Variants in MAPRE2 observed in about 807,000 individuals in gnomAD.
The protein encoded by MAPRE2 is microtubule associated protein RP/EB family member 2.
Under a neutral mutation model 43.2 loss-of-function variants are expected in MAPRE2, and 13 were observed. That is an observed-to-expected ratio of 0.30 (90% CI 0.20 to 0.48). MAPRE2 has a LOEUF of 0.48. Among genes scored for constraint, MAPRE2 ranks in the 20% least tolerant of loss-of-function variants. MAPRE2 has a pLI of 0.99. For synonymous variants in MAPRE2, 135 were observed against 148.8 expected (o/e 0.91, Z 0.68); for missense variants, 161 against 400.2 (o/e 0.40, Z 5.10).
At chr18:35,124,163 G>A (rs1909807772) in intron 4 of MAPRE2, among the ~76,000 whole-genome samples, 1 of 152,146 alleles carries the variant, frequency 6.6e-6, no homozygotes, top group Admixed American at 6.5e-5. Context: ...GTTTCTCAGG[G>A]CTAGGGAGGC....
intron 2 of MAPRE2, among the ~76,000 whole-genome samples, chr18:35,025,959 T>A (rs934316060): frequency 2.0e-5 from 3 of 152,062 alleles, no homozygotes; most frequent in African/African-American, 4.8e-5. Context: ...TTTCTAAAGG[T>A]AGTTAGGTTT....
intron 2 of MAPRE2, among the ~76,000 whole-genome samples, chr18:35,008,163 T>C (rs1433861708): frequency 6.6e-6 from 1 of 152,186 alleles, no homozygotes; most frequent in African/African-American, 2.4e-5. Flanking sequence ...AACATGCTTG[T>C]ACTTTATACC....
At chr18:35,138,598 A>G (rs538068278) in intron 6 of MAPRE2, among the ~76,000 whole-genome samples, 3 of 152,180 alleles carry the variant, frequency 2.0e-5, no homozygotes, top group Middle Eastern at 3.2e-3. Flanking sequence ...TCACATTTCT[A>G]TTTACCATGT....
intron 2 of MAPRE2, among the ~76,000 whole-genome samples, chr18:35,009,208 A>C (rs2097033237): frequency 6.6e-6 from 1 of 152,124 alleles, no homozygotes; most frequent in Non-Finnish European, 1.5e-5. Context: ...GGGGAGGTAG[A>C]GATGACATCT....
intron 1 of MAPRE2, among the ~76,000 whole-genome samples, chr18:35,048,691 C>T (rs1001917575): frequency 4.7e-5 from 7 of 148,304 alleles, no homozygotes; most frequent in Non-Finnish European, 7.4e-5. Context: ...GTACACTATA[C>T]TATATATACT....
chr18:35,068,439 C>T (rs1906942741), intron 1 of MAPRE2, among the ~76,000 whole-genome samples: 1 of 152,112 alleles, frequency 6.6e-6, no homozygotes, highest in African/African-American at 2.4e-5. Context: ...TGAATAAGCT[C>T]TTGCAAGCTT....
chr18:35,059,847 C>G (rs995968787), intron 1 of MAPRE2, among the ~76,000 whole-genome samples: 11 of 152,160 alleles, frequency 7.2e-5, no homozygotes, highest in African/African-American at 2.7e-4. Flanking sequence ...AGGCTTTGCT[C>G]TGTCATTTGT....
In MAPRE2 at chr18:35,126,947, G is replaced by T; in HGVS notation, c.611-1G>T. On this transcript the variant is annotated splice_acceptor_variant, in intron 4 of 6. Coordinates refer to ENST00000300249, the MANE Select transcript of MAPRE2 (RefSeq NM_014268.4). LOFTEE classifies it high-confidence loss of function. ...TTATCATTTATTCTGATTGCTTTCA[G>T]GTGCAGCTAAATCAAGTCCAGCAGC... The T allele has an allele frequency of 6.2e-7, 1 of 1,613,336 alleles. No homozygotes were observed. Among genetic ancestry groups the T allele is most frequent in the Non-Finnish European group, 8.5e-7 (1 of 1,179,630 alleles).
At chr18:35,081,208 T>G (rs1876014484) in intron 2 of MAPRE2, among the ~76,000 whole-genome samples, 1 of 152,214 alleles carries the variant, frequency 6.6e-6, no homozygotes, top group African/African-American at 2.4e-5. Flanking sequence ...CTGCTTCTTT[T>G]TTTTTCCAAA....
chr18:35,077,252 C>G (rs540575662), intron 2 of MAPRE2, among the ~76,000 whole-genome samples: 1 of 93,024 alleles, frequency 1.1e-5, no homozygotes, highest in Non-Finnish European at 1.8e-5. Context: ...CGCGCGCGCA[C>G]ACACACACAC....
intron 2 of MAPRE2, among the ~76,000 whole-genome samples, chr18:35,088,465 A>C (rs1011548239): frequency 1.5e-4 from 23 of 152,222 alleles, no homozygotes; most frequent in Non-Finnish European, 3.2e-4. Flanking sequence ...CAGGGAAGGA[A>C]TTTGGATTTT....
rs184087208 is a variant in MAPRE2 at position 35,090,851 on chromosome 18, A to G, written c.251-6595A>G. Among the ~76,000 whole-genome samples the G allele has an allele frequency of 3.3e-5, 5 of 152,328 alleles. No homozygotes were observed. The East Asian group carries it at 9.6e-4, about 29-fold the overall frequency. ...TCAATTTTAAAAAACTGTTAGAACTAATAAACAAATTTTGTTGCAGGATAC... is the reference window on the plus strand; with the variant it reads ...TCAATTTTAAAAAACTGTTAGAACTGATAAACAAATTTTGTTGCAGGATAC... On this transcript the variant is annotated intron_variant, in intron 2 of 6. Transcript: ENST00000300249.
intron 3 of MAPRE2, among the ~76,000 whole-genome samples, chr18:35,099,426 T>A (rs1319312749): frequency 6.6e-6 from 1 of 152,100 alleles, no homozygotes; most frequent in Non-Finnish European, 1.5e-5. Flanking sequence ...ACCAGCCTGG[T>A]CAACATTGTG....
rs532934266 is a variant in MAPRE2, at chr18:35,074,783, G to A, written c.250+4461G>A. Among the ~76,000 whole-genome samples the A allele has an allele frequency of 9.2e-5, 14 of 151,774 alleles. No homozygotes were observed. In the East Asian group the frequency reaches 1.2e-3, roughly 13 times the overall value. On this transcript the variant is annotated intron_variant, in intron 2 of 6. Transcript: ENST00000300249. ...CCTCCTCCCCACCCCTCCACTAGCC[G>A]AGCAGACACCTGACTTGGGGCAAAT...
intron 1 of MAPRE2, among the ~76,000 whole-genome samples, chr18:34,985,592 T>C (rs111366610): frequency 0.61 from 49,016 of 79,902 alleles, 15,977 homozygotes; most frequent in East Asian, 0.75. Flanking sequence ...TAAACTATAA[T>C]ATATAACATA....
At chr18:35,022,976 G>A (rs2097042880) in intron 2 of MAPRE2, among the ~76,000 whole-genome samples, 1 of 152,102 alleles carries the variant, frequency 6.6e-6, no homozygotes, top group African/African-American at 2.4e-5. Context: ...ATGTGTAATA[G>A]AAGCACTATA....
At chr18:35,079,721 A>G (rs1427796524) in intron 2 of MAPRE2, among the ~76,000 whole-genome samples, 2 of 152,254 alleles carry the variant, frequency 1.3e-5, no homozygotes, top group African/African-American at 4.8e-5. Context: ...TGTAAGTCAA[A>G]TCCCTGTTAG....
At chr18:35,021,944 T>C (rs2097042180) in intron 2 of MAPRE2, among the ~76,000 whole-genome samples, 1 of 152,020 alleles carries the variant, frequency 6.6e-6, no homozygotes, top group Non-Finnish European at 1.5e-5. Context: ...AGCTTGAGGG[T>C]CAGAGAGAAG....
intron 1 of MAPRE2, among the ~76,000 whole-genome samples, chr18:35,065,624 A>G (rs1161046978): frequency 2.0e-5 from 3 of 151,246 alleles, no homozygotes; most frequent in Non-Finnish European, 4.4e-5. Flanking sequence ...CCCAATCTCA[A>G]CTCACTGCAA....
Sources: allele counts gnomAD v4.1 joint callset (sites outside exome capture counted in the v4.1 genomes callset), GRCh38; gene constraint gnomAD v4.1.1; transcripts MANE v1.5; gene names NCBI Gene and HGNC (gene_info 2026-07-23, HGNC 2026-07-21).